Variants in ROCK2 observed in about 807,000 individuals in gnomAD.
ROCK2 encodes the protein Rho associated coiled-coil containing protein kinase 2.
A neutral mutation model predicts 195.1 loss-of-function variants in ROCK2; 61 were observed. The observed-to-expected ratio is 0.31, with a 90% CI of 0.25 to 0.39. ROCK2 has a LOEUF of 0.39. Ranked by LOEUF, ROCK2 falls within the 10% of genes least tolerant of loss-of-function variation. ROCK2 has a pLI of 1.00. For missense variants in ROCK2, 1,109 were observed against 1,637.4 expected (o/e 0.68, Z 5.57); for synonymous variants, 504 against 545.5 (o/e 0.92, Z 1.06).
At position 11,344,195 on chromosome 2, in the gene ROCK2, C is replaced by T; in HGVS notation, c.-59G>A. 2 of 1,356,254 alleles carry T rather than the reference C, an allele frequency of 1.5e-6. No homozygotes were observed. The highest frequency in any genetic ancestry group is 1.9e-6 in the Non-Finnish European group (2 of 1,058,292). The allele number at this position is 1,356,254 out of a possible 1,614,324, so 84.0% of individuals were successfully genotyped here. On this transcript the variant is annotated 5_prime_UTR_variant, in exon 1 of 33. Coordinates refer to ENST00000315872, the MANE Select transcript of ROCK2 (RefSeq NM_004850.5). This position sits in a 1 kb window ranked among gnomAD's most constrained non-coding sequence, Gnocchi z 5.4. ...GCGCTCAGGTCCCGCAGCCTCGGGG[C>T]CTAGCACCGCCCCCGAACCACCAGC...
At chr2:11,251,290 G>A (rs1367934782) in intron 3 of ROCK2, among the ~76,000 whole-genome samples, 1 of 152,336 alleles carries the variant, frequency 6.6e-6, no homozygotes, top group African/African-American at 2.4e-5. Context: ...CCATTGCCTA[G>A]TATAATGTCT....
chr2:11,238,504 G>A (rs1665306500), intron 4 of ROCK2, among the ~76,000 whole-genome samples: 1 of 152,078 alleles, frequency 6.6e-6, no homozygotes, highest in South Asian at 2.1e-4. Flanking sequence ...GAACAAAGCA[G>A]GAGGACTTAC....
intron 1 of ROCK2, among the ~76,000 whole-genome samples, chr2:11,306,245 T>G (rs926401392): frequency 3.3e-5 from 5 of 152,206 alleles, no homozygotes; most frequent in Admixed American, 1.3e-4. Flanking sequence ...ACTCAGGGAC[T>G]TTGGACTCAC....
rs532733347 is a variant in ROCK2 at position 11,279,796 on chromosome 2, G to A, written c.324+6743C>T. Among the ~76,000 whole-genome samples the A allele has an allele frequency of 1.2e-4, 19 of 152,170 alleles. No homozygotes were observed. In the South Asian group the frequency reaches 1.9e-3, roughly 15 times the overall value. ...CACATTCTGGGCCACGAAACACACC[G>A]TAACAAACTTCAAATAGAAATCATA... On this transcript the variant is annotated intron_variant, in intron 3 of 32. Transcript: ENST00000315872.
chr2:11,230,263 A>G (rs1477967383), intron 5 of ROCK2, among the ~76,000 whole-genome samples: 1 of 152,182 alleles, frequency 6.6e-6, no homozygotes, highest in Non-Finnish European at 1.5e-5. Flanking sequence ...AGAAAATATA[A>G]GACAAGTCTT....
At chr2:11,308,744 G>A in intron 1 of ROCK2, 1 of 1,612,258 alleles carries the variant, frequency 6.2e-7, no homozygotes, top group South Asian at 1.1e-5. Flanking sequence ...TATCTTCTTT[G>A]AATTCAAACA....
At chr2:11,216,706 C>T (rs1307467226) in intron 12 of ROCK2, among the ~76,000 whole-genome samples, 5 of 148,862 alleles carry the variant, frequency 3.4e-5, no homozygotes, top group Non-Finnish European at 6.0e-5. Context: ...CATAGCTCTC[C>T]GTTTCTGTTT....
At chr2:11,303,534 T>C (rs1667767436) in intron 1 of ROCK2, among the ~76,000 whole-genome samples, 1 of 152,090 alleles carries the variant, frequency 6.6e-6, no homozygotes, top group Non-Finnish European at 1.5e-5. Flanking sequence ...TCTCCCATGA[T>C]CTCTTCATTT....
rs148811018 is a variant in ROCK2, at chr2:11,190,533, G to A, written c.4163+1615C>T. 2.2e-4 allele frequency among the ~76,000 whole-genome samples: 33 copies of A among 151,952 alleles called. No homozygotes were observed. In the East Asian group the frequency reaches 4.3e-3, roughly 20 times the overall value. Reference sequence around the variant, plus strand: ...ATAAACTAATTCCATATATGTTATCGTATGTAGTGAAATCATTAATGTGTC... The same window carrying A: ...ATAAACTAATTCCATATATGTTATCATATGTAGTGAAATCATTAATGTGTC... On this transcript the variant is annotated intron_variant, in intron 32 of 32. Transcript: ENST00000315872.
chr2:11,281,379 A>G (rs1162366013), intron 3 of ROCK2, among the ~76,000 whole-genome samples: 1 of 152,182 alleles, frequency 6.6e-6, no homozygotes, highest in Non-Finnish European at 1.5e-5. Flanking sequence ...CCTTTCCATC[A>G]CTGTACTGAA....
chr2:11,228,018 T>C (rs981538608), intron 5 of ROCK2, among the ~76,000 whole-genome samples: 1 of 152,222 alleles, frequency 6.6e-6, no homozygotes, highest in Non-Finnish European at 1.5e-5. Flanking sequence ...AAACCACTTA[T>C]CTGTGTTTAG....
Position 11,197,608 on chromosome 2 carries a change from A to C in ROCK2, c.3197T>G (p.Leu1066Arg). 6.2e-7 allele frequency: 1 copy of C among 1,613,822 alleles called. No homozygotes were observed. Among genetic ancestry groups the C allele is most frequent in the Non-Finnish European group, 8.5e-7 (1 of 1,179,852 alleles). Residue 1066 changes from leucine to arginine, a missense_variant, in exon 26 of 33, where the codon CTA becomes CGA. By Grantham distance (102) the Leu-to-Arg change is moderately radical. This residue lies in a region of ROCK2 where 29 missense variants were observed against 75.0 expected (regional missense o/e 0.39). Transcript: ENST00000315872. This position sits in a 1 kb window ranked among gnomAD's most constrained non-coding sequence, Gnocchi z 4.9. Reference sequence around the variant, plus strand: ...ACGTTCAGATTTAAGCTCCATATGTAGCTTTCTATTCTCCTTCTCTTTTCT... The same window carrying C: ...ACGTTCAGATTTAAGCTCCATATGTCGCTTTCTATTCTCCTTCTCTTTTCT... ...VRRKEKENRK[L>R]HMELKSEREK... is the part of the protein sequence containing the mutation.
At chr2:11,217,440 A>C in intron 11 of ROCK2, 1 of 474,940 alleles carries the variant, frequency 2.1e-6, no homozygotes, top group South Asian at 1.8e-5. Context: ...TTGTTCTATG[A>C]CACAAAGTTT....
intron 3 of ROCK2, among the ~76,000 whole-genome samples, chr2:11,258,680 A>C (rs929372309): frequency 6.6e-6 from 1 of 151,216 alleles, no homozygotes; most frequent in Non-Finnish European, 1.5e-5. Context: ...CATACTACAG[A>C]TTTTGTTGAG....
intron 1 of ROCK2, among the ~76,000 whole-genome samples, chr2:11,320,198 A>AC (rs1668358556): frequency 6.6e-6 from 1 of 152,200 alleles, no homozygotes; most frequent in East Asian, 1.9e-4. Flanking sequence ...AATCACACAC[A>AC]ACAACAAAAC....
intron 28 of ROCK2, 139 bp from the exon 29 acceptor site, chr2:11,194,483 A>G: frequency 2.7e-6 from 1 of 375,142 alleles, no homozygotes; most frequent in Non-Finnish European, 4.9e-6. Context: ...ATATATCTTT[A>G]GGACAGTCTT....
At chr2:11,275,695 CTTTT>C (rs70953379) in intron 3 of ROCK2, among the ~76,000 whole-genome samples, 7 of 110,178 alleles carry the variant, frequency 6.4e-5, no homozygotes, top group African/African-American at 2.1e-4. Flanking sequence ...ATTCAACAAT[CTTTT>C]TTTTTTTTTT....
At chr2:11,211,974 T>C (rs1664264214) in intron 17 of ROCK2, 134 bp from the exon 18 acceptor site, 1 of 597,836 alleles carries the variant, frequency 1.7e-6, no homozygotes, top group Non-Finnish European at 2.7e-6. Context: ...GGTTTGATTA[T>C]GGCTCATTGC....
intron 1 of ROCK2, among the ~76,000 whole-genome samples, chr2:11,299,000 G>C (rs1667622929): frequency 6.6e-6 from 1 of 151,988 alleles, no homozygotes; most frequent in Non-Finnish European, 1.5e-5. Flanking sequence ...CGGGCACGGT[G>C]GCTCACACCT....
Sources: gnomAD v4.1 joint callset for allele counts (sites outside exome capture counted in the v4.1 genomes callset) on GRCh38, gnomAD v4.1.1 for gene constraint, gnomAD v4.1.1 regional missense constraint, Gnocchi (gnomAD v3.1) non-coding constraint, MANE v1.5 for transcripts, NCBI Gene and HGNC (gene_info 2026-07-23, HGNC 2026-07-21) for gene names.